CFAP96: variants seen among roughly 807,000 people sequenced by gnomAD.
The protein encoded by CFAP96 is cilia and flagella associated protein 96, also known as cilia-and flagella-associated protein 96.
chr4:185,443,342 A>ATATATATATATT, the CFAP96 span, among the ~76,000 whole-genome samples: 201 of 26,706 alleles, frequency 7.5e-3, 4 homozygotes, highest in East Asian at 0.012. Flanking sequence ...ATATATATAT[A>ATATATATATATT]TTTTTTTTTT....
the CFAP96 span, chr4:185,422,434 T>C: frequency 7.8e-7 from 1 of 1,289,790 alleles, no homozygotes; most frequent in Non-Finnish European, 1.1e-6. Context: ...ATAATCTCAG[T>C]ATATTTCACT....
chr4:185,435,569 T>G, the CFAP96 span, among the ~76,000 whole-genome samples: 112 of 152,316 alleles, frequency 7.4e-4, no homozygotes, highest in African/African-American at 2.5e-3. Flanking sequence ...AAGAAAATAT[T>G]TGGTTAATTT....
chr4:185,428,897 T>C, the CFAP96 span, among the ~76,000 whole-genome samples: 1 of 152,192 alleles, frequency 6.6e-6, no homozygotes, highest in South Asian at 2.1e-4. Flanking sequence ...TGAAAAGCTG[T>C]TATATTTTCA....
chr4:185,409,761 A>T, the CFAP96 span, among the ~76,000 whole-genome samples: 1 of 152,226 alleles, frequency 6.6e-6, no homozygotes, highest in African/African-American at 2.4e-5. Flanking sequence ...TAAGATGGGG[A>T]GGTTATCCTG....
the CFAP96 span, among the ~76,000 whole-genome samples, chr4:185,414,449 CTTT>C: frequency 6.6e-6 from 1 of 152,102 alleles, no homozygotes; most frequent in South Asian, 2.1e-4. Context: ...TTGACATGTT[CTTT>C]ATCATATCTT....
chr4:185,426,146 G>T, the CFAP96 span: 4 of 522,416 alleles, frequency 7.7e-6, no homozygotes, highest in East Asian at 6.3e-5. Flanking sequence ...TGTGTTCTTC[G>T]ATGCGGATTC....
chr4:185,447,381 T>C, the CFAP96 span, among the ~76,000 whole-genome samples: 129,352 of 151,912 alleles, frequency 0.85, 55,973 homozygotes, highest in East Asian at 0.99. Context: ...GGGGTTTCAC[T>C]GTGTTAGCCA....
the CFAP96 span, chr4:185,415,222 T>A: frequency 6.2e-7 from 1 of 1,608,534 alleles, no homozygotes; most frequent in East Asian, 2.2e-5. Flanking sequence ...AAGATTTTTT[T>A]TCCCTGGTAA....
chr4:185,418,533 A>G, the CFAP96 span: 4 of 1,610,026 alleles, frequency 2.5e-6, no homozygotes, highest in Non-Finnish European at 3.4e-6. Flanking sequence ...ACAGACATTT[A>G]TAATATGAAA....
chr4:185,413,406 T>C, the CFAP96 span, among the ~76,000 whole-genome samples: 1 of 151,904 alleles, frequency 6.6e-6, no homozygotes, highest in Non-Finnish European at 1.5e-5. Flanking sequence ...AAAAAAAGAT[T>C]TATCCTACAG....
chr4:185,447,214 C>T, the CFAP96 span, among the ~76,000 whole-genome samples: 1 of 149,702 alleles, frequency 6.7e-6, no homozygotes, highest in African/African-American at 2.5e-5. Context: ...CGGAGTCTCA[C>T]TCTGTCGCCC....
the CFAP96 span, among the ~76,000 whole-genome samples, chr4:185,447,404 T>C: frequency 2.0e-5 from 3 of 152,072 alleles, no homozygotes; most frequent in Non-Finnish European, 4.4e-5. Flanking sequence ...ATGGACTTGA[T>C]CTCCTGACCT....
chr4:185,441,152 C>T, the CFAP96 span, among the ~76,000 whole-genome samples: 2 of 152,124 alleles, frequency 1.3e-5, no homozygotes, highest in South Asian at 4.1e-4. Flanking sequence ...TCTCTAGACC[C>T]TAGGTCTAGT....
chr4:185,420,177 C>T, the CFAP96 span, among the ~76,000 whole-genome samples: 2 of 4,654 alleles, frequency 4.3e-4, no homozygotes, highest in African/African-American at 3.9e-4. Context: ...TCTAAAGTCA[C>T]GGTTGGTTTT....
chr4:185,410,997 A>C, the CFAP96 span, among the ~76,000 whole-genome samples: 2 of 151,552 alleles, frequency 1.3e-5, no homozygotes, highest in East Asian at 3.8e-4. Context: ...TAACATGTCC[A>C]ACTTAAGAAG....
chr4:185,438,080 G>T, the CFAP96 span, among the ~76,000 whole-genome samples: 1 of 150,992 alleles, frequency 6.6e-6, no homozygotes, highest in African/African-American at 2.4e-5. Flanking sequence ...CATCCTTCTT[G>T]TGCTTGAGGT....
At chr4:185,422,148 T>C in the CFAP96 span, among the ~76,000 whole-genome samples, 1 of 152,240 alleles carries the variant, frequency 6.6e-6, no homozygotes, top group Non-Finnish European at 1.5e-5. Context: ...AGACTCAGGA[T>C]TGTACATACA....
At chr4:185,418,568 A>C in the CFAP96 span, 2 of 1,611,502 alleles carry the variant, frequency 1.2e-6, no homozygotes, top group Non-Finnish European at 1.7e-6. Context: ...CATTTCTAGA[A>C]ATCTTCAAAC....
At chr4:185,415,412 G>C in the CFAP96 span, 1 of 1,360,660 alleles carries the variant, frequency 7.3e-7, no homozygotes, top group Non-Finnish European at 9.9e-7. Context: ...GAAAAGTACA[G>C]AGCTAATATA....
Sources: gnomAD v4.1 joint callset for allele counts (sites outside exome capture counted in the v4.1 genomes callset) on GRCh38, gnomAD v4.1.1 for gene constraint, MANE v1.5 for transcripts, NCBI Gene and HGNC (gene_info 2026-07-23, HGNC 2026-07-21) for gene names.